Variants in COPS3 observed in about 807,000 individuals in gnomAD.
The protein encoded by COPS3 is COP9 signalosome complex subunit 3.
Under a neutral mutation model 58.2 loss-of-function variants are expected in COPS3, and 10 were observed. That is an observed-to-expected ratio of 0.17 (90% CI 0.11 to 0.29). COPS3 has a LOEUF of 0.29. Ranked by LOEUF, COPS3 falls within the 10% of genes least tolerant of loss-of-function variation. COPS3 has a pLI of 1.00. For synonymous variants in COPS3, 187 were observed against 181.7 expected (o/e 1.03, Z -0.24); for missense variants, 333 against 510.1 (o/e 0.65, Z 3.34).
intron 6 of COPS3, among the ~76,000 whole-genome samples, chr17:17,262,356 G>A (rs2048120220): frequency 1.3e-5 from 2 of 152,082 alleles, no homozygotes; most frequent in Non-Finnish European, 2.9e-5. Context: ...AAACTCCTTG[G>A]GTTCAAGCAA....
intron 5 of COPS3, among the ~76,000 whole-genome samples, chr17:17,267,635 C>A (rs1487586669): frequency 5.0e-3 from 536 of 106,754 alleles, no homozygotes; most frequent in African/African-American, 7.9e-3. Flanking sequence ...GAGACTGTCT[C>A]AAAAAAAAAA....
intron 10 of COPS3, 122 bp from the exon 11 acceptor site, chr17:17,247,682 G>T: frequency 1.1e-6 from 1 of 904,252 alleles, no homozygotes; most frequent in Non-Finnish European, 1.7e-6. Context: ...AACCCCTGGG[G>T]CCACATGGGT....
intron 9 of COPS3, among the ~76,000 whole-genome samples, chr17:17,251,945 T>A (rs1237079839): frequency 6.6e-6 from 1 of 151,984 alleles, no homozygotes; most frequent in Non-Finnish European, 1.5e-5. Flanking sequence ...GGTGGGCGCC[T>A]GTAGTCCCAG....
chr17:17,247,745 ACCAAATAT>A, intron 10 of COPS3, 185 bp from the exon 11 acceptor site: 1 of 525,300 alleles, frequency 1.9e-6, no homozygotes, highest in Non-Finnish European at 3.4e-6. Flanking sequence ...ATCATATAAT[ACCAAATAT>A]CCCACCCAGC....
intron 8 of COPS3, among the ~76,000 whole-genome samples, chr17:17,257,796 CAAAA>C (rs1387883200): frequency 1.7e-5 from 1 of 60,184 alleles, no homozygotes; most frequent in Non-Finnish European, 3.4e-5. Flanking sequence ...GACTCCGTCT[CAAAA>C]AAAAAAAAAA....
chr17:17,259,410 A>G (rs769634921), intron 8 of COPS3, among the ~76,000 whole-genome samples: 2 of 152,230 alleles, frequency 1.3e-5, no homozygotes, highest in Non-Finnish European at 2.9e-5. Context: ...AACGTTTGAC[A>G]TTAAGCATAT....
intron 4 of COPS3, 142 bp from the exon 5 acceptor site, chr17:17,268,119 A>G: frequency 8.2e-7 from 1 of 1,216,166 alleles, no homozygotes; most frequent in Non-Finnish European, 1.1e-6. Flanking sequence ...CTCTTTCAGG[A>G]AATTTCTGTC....
At chr17:17,270,578 T>A (rs1195238770) in intron 4 of COPS3, among the ~76,000 whole-genome samples, 180 bp downstream of exon 4, 1 of 151,912 alleles carries the variant, frequency 6.6e-6, no homozygotes, top group Non-Finnish European at 1.5e-5. Flanking sequence ...TGCCTCCACC[T>A]CATTCAGGGG....
intron 2 of COPS3, among the ~76,000 whole-genome samples, chr17:17,272,240 G>A (rs954823842): frequency 1.4e-4 from 22 of 151,914 alleles, no homozygotes; most frequent in South Asian, 4.1e-4. Context: ...CTGACCAATC[G>A]GGTGAAACCC....
Position 17,261,700 on chromosome 17 carries a change from A to G in COPS3, c.762+266T>C, listed in dbSNP as rs1324275907. ...CATAGCGAGACTCTGTCTCTAGGGAAAAAAAAAAAAATCAACTGTTATAGG... is the reference window on the plus strand; with the variant it reads ...CATAGCGAGACTCTGTCTCTAGGGAGAAAAAAAAAAATCAACTGTTATAGG... On this transcript the variant is annotated intron_variant, in intron 7 of 11. Transcript: ENST00000268717. The G allele has an allele frequency of 1.9e-5, 6 of 313,636 alleles. No individual in the cohort carries two copies. The East Asian group carries it at 2.8e-4, about 14-fold the overall frequency. 19.4% of individuals were successfully genotyped at this position (313,636 alleles called of 1,614,324 possible). A position where few individuals can be genotyped will look rare whatever the true frequency, so the allele number is the denominator to read the frequency against.
At chr17:17,249,749 C>CCCAAAGTG (rs1567844593) in intron 9 of COPS3, among the ~76,000 whole-genome samples, 1 of 152,340 alleles carries the variant, frequency 6.6e-6, no homozygotes, top group Admixed American at 6.5e-5. Flanking sequence ...GCCTCGGCTT[C>CCCAAAGTG]CCAAAGTGCT....
chr17:17,270,016 C>T (rs1487083831), intron 4 of COPS3, among the ~76,000 whole-genome samples: 2 of 151,860 alleles, frequency 1.3e-5, no homozygotes, highest in Non-Finnish European at 2.9e-5. Flanking sequence ...ATTAGCTGGG[C>T]GTGGCAGCAT....
Position 17,260,403 on chromosome 17 carries a change from C to T in COPS3, c.834G>A (p.Leu278=). Residue 278 remains leucine, a synonymous_variant, in exon 8 of 12, where the codon CTG becomes CTA. Coordinates refer to ENST00000268717, the MANE Select transcript of COPS3 (RefSeq NM_003653.4). ...STNNPSELRN[L]VNKHSETFTR... ...TGAAGGTTTCACTGTGCTTATTCACCAGGTTTCGGAGTTCTGAGGGGTTGT... is the reference window on the plus strand; with the variant it reads ...TGAAGGTTTCACTGTGCTTATTCACTAGGTTTCGGAGTTCTGAGGGGTTGT... 2 of 1,614,188 alleles carry T rather than the reference C, an allele frequency of 1.2e-6. No homozygotes were observed. The highest frequency in any genetic ancestry group is 1.7e-6 in the Non-Finnish European group (2 of 1,180,030).
chr17:17,281,106 C>T (rs749540381), intron 1 of COPS3, 26 bp downstream of exon 1: 2 of 1,601,362 alleles, frequency 1.2e-6, no homozygotes, highest in Non-Finnish European at 8.5e-7. Context: ...CCCGCCCATG[C>T]CCAGCCCGGC....
intron 2 of COPS3, among the ~76,000 whole-genome samples, chr17:17,275,023 C>A (rs2145257040): frequency 6.6e-6 from 1 of 152,072 alleles, no homozygotes; most frequent in East Asian, 1.9e-4. Context: ...CTGCTGCCCA[C>A]CTCCAGCCAG....
chr17:17,253,271 A>G (rs191366104), intron 9 of COPS3, among the ~76,000 whole-genome samples: 30 of 152,252 alleles, frequency 2.0e-4, no homozygotes, highest in Admixed American at 3.3e-4. Context: ...CTGAAATCAT[A>G]CAAGGGGTCA....
intron 6 of COPS3, among the ~76,000 whole-genome samples, chr17:17,264,536 G>A (rs1394444838): frequency 6.6e-6 from 1 of 152,186 alleles, no homozygotes; most frequent in African/African-American, 2.4e-5. Context: ...GTCAAGAGAT[G>A]TCATAACTTA....
rs535249599 is a variant in COPS3, at chr17:17,268,589, G to T, written c.349-612C>A. Among the ~76,000 whole-genome samples the T allele has an allele frequency of 2.6e-5, 4 of 152,206 alleles. No homozygotes were observed. The East Asian group carries it at 7.8e-4, about 29-fold the overall frequency. ...TAATCCCAGCATTTTGGGAGGCCAA[G>T]ATGGGTGGATCATGAGGTCAGGAGA... On this transcript the variant is annotated intron_variant, in intron 4 of 11. Coordinates refer to ENST00000268717, the MANE Select transcript of COPS3 (RefSeq NM_003653.4).
At chr17:17,267,749 G>T in intron 5 of COPS3, 136 bp downstream of exon 5, 2 of 695,080 alleles carry the variant, frequency 2.9e-6, no homozygotes, top group East Asian at 3.0e-5. Context: ...TGTAATAGAT[G>T]TACCTACATA....
Sources: allele counts gnomAD v4.1 joint callset (sites outside exome capture counted in the v4.1 genomes callset), GRCh38; gene constraint gnomAD v4.1.1; transcripts MANE v1.5; gene names NCBI Gene and HGNC (gene_info 2026-07-23, HGNC 2026-07-21).